GSR: variants seen among roughly 807,000 people sequenced by gnomAD.
GSR encodes the protein glutathione reductase, mitochondrial.
Under a neutral mutation model 56.5 loss-of-function variants are expected in GSR, and 48 were observed. That is an observed-to-expected ratio of 0.85 (90% CI 0.67 to 1.08). The LOEUF (loss-of-function observed/expected upper bound fraction) is 1.08, where lower values mean the gene tolerates loss of function less well. Among genes scored for constraint, GSR ranks in the 50% least tolerant of loss-of-function variants. The probability of loss-of-function intolerance (pLI) is 0.00; values close to 1 mark genes in which losing one functional copy is unlikely to be tolerated. For synonymous variants in GSR, 264 were observed against 270.8 expected (o/e 0.97, Z 0.25); for missense variants, 694 against 703.3 (o/e 0.99, Z 0.15).
chr8:30,683,851 C>T lies in GSR; in HGVS notation c.1153+237G>A, dbSNP rs8191024. On this transcript the variant is annotated intron_variant, in intron 10 of 12. Transcript: ENST00000221130. ...GTCTGCTCCTAAGAGAGTTCCGCAA[C>T]GGGTGATCATATTGTCTACATGAAA... is the stretch of plus-strand genomic sequence containing the variant. Among the ~76,000 whole-genome samples, 142 of 152,040 alleles carry T rather than the reference C, an allele frequency of 9.3e-4. 1 individual carries two copies. The South Asian group carries it at 0.011, about 12-fold the overall frequency.
Position 30,727,756 on chromosome 8 carries a change from A to T in GSR, c.80T>A (p.Leu27Gln). Residue 27 changes from leucine (L) to glutamine (Q), a missense_variant, in exon 1 of 13, where the codon CTG (leucine) becomes CAG (glutamine). Transcript: ENST00000221130. ...RRAARAFRGF[L>Q]LLLPEPAALT... ...GGCCGCGGGCTCGGGCAGAAGCAGC[A>T]GGAAGCCTCGGAAGGCGCGCGCCGC... The T allele has an allele frequency of 7.2e-7, 1 of 1,389,100 alleles. No individual in the cohort carries two copies. Among genetic ancestry groups the T allele is most frequent in the Non-Finnish European group, 9.3e-7 (1 of 1,072,290 alleles). 86.0% of individuals were successfully genotyped at this position (1,389,100 alleles called of 1,614,324 possible). A position where few individuals can be genotyped will look rare whatever the true frequency, so the allele number is the denominator to read the frequency against.
intron 1 of GSR, among the ~76,000 whole-genome samples, chr8:30,713,219 T>G (rs1463586136): frequency 6.6e-6 from 1 of 151,668 alleles, no homozygotes; most frequent in Non-Finnish European, 1.5e-5. Flanking sequence ...GTATTTTCAG[T>G]AGAGATGGGG....
At chr8:30,703,345 GT>G in intron 4 of GSR, 105 bp from the exon 5 acceptor site, 2 of 1,060,680 alleles carry the variant, frequency 1.9e-6, no homozygotes, top group South Asian at 1.3e-5. Flanking sequence ...TTGATTCTTG[GT>G]TTGCTGATGC....
intron 7 of GSR, among the ~76,000 whole-genome samples, chr8:30,693,852 TA>T (rs2128741831): frequency 6.6e-6 from 1 of 152,164 alleles, no homozygotes; most frequent in South Asian, 2.1e-4. Flanking sequence ...AAAATGGAGT[TA>T]ACACTGGGAA....
Position 30,712,904 on chromosome 8 carries a change from G to A in GSR, c.307-816C>T, listed in dbSNP as rs577498909. On this transcript the variant is annotated intron_variant, in intron 1 of 12. Coordinates refer to ENST00000221130, the MANE Select transcript of GSR (RefSeq NM_000637.5). ...GAAGTAACCAAAGATGTAGAAAAGC[G>A]AAATGCACAAATGCACAGATTATCA... Among the ~76,000 whole-genome samples the A allele has an allele frequency of 1.7e-3, 257 of 152,236 alleles. 1 individual carries two copies. The highest frequency in any genetic ancestry group is 1.6e-3 in the African/African-American group (68 of 41,540).
chr8:30,717,930 G>T (rs62505354), intron 1 of GSR, among the ~76,000 whole-genome samples: 8,436 of 151,580 alleles, frequency 0.056, 312 homozygotes, highest in Non-Finnish European at 0.081. Context: ...TGAAACCTCC[G>T]TCTCTAATAA....
rs755905981 is a variant in GSR, at chr8:30,709,838, C to T, written c.398G>A (p.Ser133Asn). Residue 133 changes from serine to asparagine, a missense_variant, in exon 3 of 13, where the codon AGT becomes AAT. Physicochemically the swap from Ser to Asn is conservative, Grantham distance 46. Coordinates refer to ENST00000221130, the MANE Select transcript of GSR (RefSeq NM_000637.5). Reference sequence around the variant, plus strand: ...CCGCCAATTGAATTTACCCTCACAACTTGGAAAGCCATAATCAGCATGATC... The same window carrying T: ...CCGCCAATTGAATTTACCCTCACAATTTGGAAAGCCATAATCAGCATGATC... ...MHDHADYGFP[S>N]CEGKFNWRVI... 1.4e-5 allele frequency: 22 copies of T among 1,584,138 alleles called. No homozygotes were observed. In the South Asian group the frequency reaches 2.3e-4, roughly 17 times the overall value.
chr8:30,680,767 A>G, intron 12 of GSR, 137 bp downstream of exon 12: 1 of 799,916 alleles, frequency 1.3e-6, no homozygotes. Flanking sequence ...AAATGCAGGT[A>G]AGACAGATCA....
rs35555269 is a variant in GSR, at chr8:30,679,149, CA to C, written c.*370del. 9,889 of 108,596 alleles carry C rather than the reference CA, an allele frequency of 0.091. 39 individuals carry two copies. The highest frequency in any genetic ancestry group is 0.16 in the South Asian group (1,216 of 7,794). The allele number at this position is 108,596 out of a possible 1,614,324, so 6.7% of individuals were successfully genotyped here. On this transcript the variant is annotated 3_prime_UTR_variant, in exon 13 of 13. Transcript: ENST00000221130. ...GGGCAATGAGAGCAAAACTCTGTCTCAAAAAAAAAAAAAAAAAAAGTAGCAA... is the reference window on the plus strand; with the variant it reads ...GGGCAATGAGAGCAAAACTCTGTCTCAAAAAAAAAAAAAAAAAAGTAGCAA...
At position 30,679,444 on chromosome 8, in the gene GSR, G is replaced by A; in HGVS notation, c.*76C>T. The A allele has an allele frequency of 7.3e-7, 1 of 1,372,288 alleles. No individual in the cohort carries two copies. Among genetic ancestry groups the A allele is most frequent in the South Asian group, 1.2e-5 (1 of 84,262 alleles). The allele number at this position is 1,372,288 out of a possible 1,614,324, so 85.0% of individuals were successfully genotyped here. A position where few individuals can be genotyped will look rare whatever the true frequency, so the allele number is the denominator to read the frequency against. On this transcript the variant is annotated 3_prime_UTR_variant, in exon 13 of 13. Transcript: ENST00000221130. ...TAAAGAAATACATAAAACTCAAACA[G>A]TAAGTCAATGTGATTATTTGTTTCA...
intron 1 of GSR, among the ~76,000 whole-genome samples, chr8:30,721,191 C>T (rs1804525155): frequency 6.6e-6 from 1 of 152,140 alleles, no homozygotes; most frequent in Non-Finnish European, 1.5e-5. Context: ...GGATGTCAGT[C>T]CCCACTATTA....
Position 30,727,512 on chromosome 8 carries a change from C to A in GSR, c.306+18G>T, listed in dbSNP as rs1804774646. 1 of 1,535,836 alleles carries A rather than the reference C, an allele frequency of 6.5e-7. No individual in the cohort carries two copies. The highest frequency in any genetic ancestry group is 8.7e-7 in the Non-Finnish European group (1 of 1,143,930). On this transcript the variant is annotated intron_variant, in intron 1 of 12. Transcript: ENST00000221130. ...GACAAAGAGGCGCCCCCCGCCCGAA[C>A]AAACCGGCGGTACTCACGCAAGTGC...
rs199664819 is a variant in GSR, at chr8:30,689,350, G to A, written c.883-31C>T. ...GGCAAATAAAATGTGTTACACATGT[G>A]TGGAGGCTCAGGGAGGACAGGGGAA... is the stretch of plus-strand genomic sequence containing the variant. On this transcript the variant is annotated intron_variant, in intron 8 of 12. Coordinates refer to ENST00000221130, the MANE Select transcript of GSR (RefSeq NM_000637.5). 1,979 of 1,597,510 alleles carry A rather than the reference G, an allele frequency of 1.2e-3. 1 individual carries two copies. The highest frequency in any genetic ancestry group is 1.5e-3 in the Non-Finnish European group (1,753 of 1,164,858).
intron 1 of GSR, among the ~76,000 whole-genome samples, chr8:30,720,872 T>C (rs1430435634): frequency 6.6e-6 from 1 of 152,126 alleles, no homozygotes; most frequent in Non-Finnish European, 1.5e-5. Flanking sequence ...TGTGTAATCC[T>C]AGCACTTTTG....
chr8:30,695,601 G>C (rs183600320), intron 7 of GSR, among the ~76,000 whole-genome samples: 141 of 152,292 alleles, frequency 9.3e-4, no homozygotes, highest in African/African-American at 3.3e-3. Context: ...TGTAGTCCAA[G>C]ACAATTCTAC....
At chr8:30,696,657 A>G (rs1037142575) in intron 6 of GSR, among the ~76,000 whole-genome samples, 178 bp from the exon 7 acceptor site, 13 of 152,208 alleles carry the variant, frequency 8.5e-5, no homozygotes, top group African/African-American at 3.1e-4. Context: ...AGAAATTGAC[A>G]TTGGTACATT....
Position 30,703,199 on chromosome 8 carries a change from A to C in GSR, c.534T>G (p.Ser178Arg). The change falls in exon 5 of 13, where the codon AGT becomes AGG. Residue 178 changes from serine to arginine, a missense_variant. Ser to Arg is a moderately radical substitution (Grantham distance 110). Transcript: ENST00000221130. Reference sequence around the variant, plus strand: ...TGACCTCTATTGTGGGCTTGGGATCACTCGTGAAGGCTGCATGGCCACGGA... The same window carrying C: ...TGACCTCTATTGTGGGCTTGGGATCCCTCGTGAAGGCTGCATGGCCACGGA... ...EIIRGHAAFT[S>R]DPKPTIEVSG... is the part of the protein sequence containing the mutation. 6.2e-7 allele frequency: 1 copy of C among 1,613,942 alleles called. No homozygotes were observed. Among genetic ancestry groups the C allele is most frequent in the Non-Finnish European group, 8.5e-7 (1 of 1,179,934 alleles).
chr8:30,695,426 G>T (rs1178021387), intron 7 of GSR, among the ~76,000 whole-genome samples: 1 of 151,904 alleles, frequency 6.6e-6, no homozygotes, highest in Non-Finnish European at 1.5e-5. Context: ...TAGAGATGGG[G>T]TTTCACCATG....
chr8:30,727,008 A>G (rs1242192890), intron 1 of GSR: 1 of 152,610 alleles, frequency 6.6e-6, no homozygotes, highest in African/African-American at 2.4e-5. Context: ...CCTCAGACCA[A>G]TTAAGTCGGG....
Sources: allele counts gnomAD v4.1 joint callset (sites outside exome capture counted in the v4.1 genomes callset), GRCh38; gene constraint gnomAD v4.1.1; transcripts MANE v1.5; gene names NCBI Gene and HGNC (gene_info 2026-07-23, HGNC 2026-07-21).